Variants in EPB41L2 observed in about 807,000 individuals in gnomAD.
EPB41L2 encodes the protein erythrocyte membrane protein band 4.1 like 2, also known as band 4.1-like protein 2.
A neutral mutation model predicts 113.0 loss-of-function variants in EPB41L2; 43 were observed. That is an observed-to-expected ratio of 0.38 (90% CI 0.30 to 0.49). The LOEUF (loss-of-function observed/expected upper bound fraction) is 0.49, where lower values mean the gene tolerates loss of function less well. Ranked by LOEUF, EPB41L2 falls within the 20% of genes least tolerant of loss-of-function variation. The pLI, the probability that EPB41L2 is intolerant of heterozygous loss-of-function variation, is 0.95. For synonymous variants in EPB41L2, 442 were observed against 436.7 expected, an observed-to-expected ratio of 1.01 and a Z score of -0.15; for missense variants, 1,147 against 1,223.4, an observed-to-expected ratio of 0.94 and a Z score of 0.93.
At chr6:131,036,718 A>T (rs1793391255) in intron 1 of EPB41L2, among the ~76,000 whole-genome samples, 1 of 152,210 alleles carries the variant, frequency 6.6e-6, no homozygotes, top group South Asian at 2.1e-4. Flanking sequence ...ATTGAGGCCC[A>T]GGTTTTTTTT....
intron 4 of EPB41L2, among the ~76,000 whole-genome samples, chr6:130,912,707 C>G (rs1312552371): frequency 6.6e-6 from 1 of 152,072 alleles, no homozygotes; most frequent in Non-Finnish European, 1.5e-5. Context: ...GCTGTCCCAC[C>G]CAACAGCTGG....
At chr6:130,862,641 T>C (rs1160634042) in intron 18 of EPB41L2, among the ~76,000 whole-genome samples, 1 of 152,240 alleles carries the variant, frequency 6.6e-6, no homozygotes, top group Admixed American at 6.5e-5. Flanking sequence ...TTTTAACCTC[T>C]AATAACTCTT....
At chr6:130,993,438 A>C (rs947000601) in intron 1 of EPB41L2, among the ~76,000 whole-genome samples, 3 of 152,188 alleles carry the variant, frequency 2.0e-5, no homozygotes, top group East Asian at 1.9e-4. Flanking sequence ...CCAACAAACA[A>C]CACAAGGCGG....
chr6:130,860,959 C>T (rs1039042760), intron 18 of EPB41L2, among the ~76,000 whole-genome samples: 1 of 152,196 alleles, frequency 6.6e-6, no homozygotes, highest in Non-Finnish European at 1.5e-5. Flanking sequence ...GAAGAATCTG[C>T]AAAGCAAGTT....
intron 14 of EPB41L2, chr6:130,870,481 A>G: frequency 8.1e-7 from 1 of 1,233,998 alleles, no homozygotes; most frequent in Non-Finnish European, 1.2e-6. Flanking sequence ...AACAGCAAGA[A>G]TCAACATCTA....
intron 1 of EPB41L2, among the ~76,000 whole-genome samples, chr6:131,038,403 T>C (rs1793779591): frequency 6.6e-6 from 1 of 152,226 alleles, no homozygotes; most frequent in Admixed American, 6.5e-5. Context: ...ATTATTCTAG[T>C]TGCTATCACC....
intron 19 of EPB41L2, among the ~76,000 whole-genome samples, chr6:130,853,860 T>C (rs1413643053): frequency 6.6e-6 from 1 of 152,224 alleles, no homozygotes; most frequent in African/African-American, 2.4e-5. Context: ...ATCCTGCTCT[T>C]TGCCTCAGCC....
At chr6:130,935,526 C>T (rs949934046) in intron 3 of EPB41L2, among the ~76,000 whole-genome samples, 1 of 152,086 alleles carries the variant, frequency 6.6e-6, no homozygotes. Context: ...CATTTTTATG[C>T]TATGTGGAAA....
chr6:130,929,974 C>T (rs1196474106), intron 3 of EPB41L2, among the ~76,000 whole-genome samples: 3 of 151,842 alleles, frequency 2.0e-5, no homozygotes, highest in South Asian at 2.1e-4. Context: ...AAAGGTATCA[C>T]GAGGCCAACC....
intron 1 of EPB41L2, among the ~76,000 whole-genome samples, chr6:131,049,544 T>C (rs1267683094): frequency 6.6e-6 from 1 of 152,128 alleles, no homozygotes; most frequent in African/African-American, 2.4e-5. Flanking sequence ...TCTACCAGAG[T>C]CTAGAAGCAA....
intron 1 of EPB41L2, among the ~76,000 whole-genome samples, chr6:130,980,847 TTC>T (rs1046903430): frequency 7.2e-5 from 11 of 152,206 alleles, no homozygotes; most frequent in African/African-American, 2.4e-4. Context: ...CATGCTTTTG[TTC>T]TCTGTTTCTG....
In EPB41L2 at chr6:130,856,537, C is replaced by A. The variant is rs372182573; in HGVS notation, c.*5+1594G>T. 7.2e-5 allele frequency among the ~76,000 whole-genome samples: 11 copies of A among 152,272 alleles called. No homozygotes were observed. In the South Asian group the frequency reaches 1.9e-3, roughly 26 times the overall value. On this transcript the variant is annotated intron_variant, in intron 19 of 19. Coordinates refer to ENST00000337057, the MANE Select transcript of EPB41L2 (RefSeq NM_001431.4). ...TTATAATCACAGTTACACATATTTACCAAACTAGCAAAAATTAAAAAGTCA... is the reference window on the plus strand; with the variant it reads ...TTATAATCACAGTTACACATATTTAACAAACTAGCAAAAATTAAAAAGTCA...
At chr6:130,926,134 C>G (rs1370952335) in intron 4 of EPB41L2, among the ~76,000 whole-genome samples, 1 of 152,140 alleles carries the variant, frequency 6.6e-6, no homozygotes. Flanking sequence ...TATCCTCAGA[C>G]AGAATCGTTC....
intron 3 of EPB41L2, among the ~76,000 whole-genome samples, chr6:130,942,970 C>T (rs903284948): frequency 6.6e-6 from 1 of 152,168 alleles, no homozygotes; most frequent in African/African-American, 2.4e-5. Context: ...TGTATATGTG[C>T]CACATTTTCT....
chr6:130,869,914 G>T lies in EPB41L2; in HGVS notation c.2256C>A (p.Asp752Glu), dbSNP rs140202060. Residue 752 changes from aspartate to glutamate, a missense_variant, in exon 15 of 20, where the codon GAC (aspartate) becomes GAA (glutamate). By Grantham distance (45) the Asp-to-Glu change is conservative. Transcript: ENST00000337057. ...GGTGGTGGGGACGGTACTCTCCCAC[G>T]TCTTCCTCCTCACTCTCACTGCTGC... ...SSSSSESEEE[D>E]VGEYRPHHRV... 6.2e-7 allele frequency: 1 copy of T among 1,612,522 alleles called. No homozygotes were observed. Among genetic ancestry groups the T allele is most frequent in the Admixed American group, 1.7e-5 (1 of 60,022 alleles).
At chr6:130,863,549 A>G in intron 18 of EPB41L2, 89 bp downstream of exon 18, 1 of 869,252 alleles carries the variant, frequency 1.2e-6, no homozygotes. Context: ...TGGGGAGAAG[A>G]GGTTTACACA....
rs1248586709 is a variant in EPB41L2 at position 130,894,422 on chromosome 6, G to A, written c.1409C>T (p.Thr470Ile). 2.5e-6 allele frequency: 4 copies of A among 1,613,742 alleles called. No individual in the cohort carries two copies. The highest frequency in any genetic ancestry group is 1.3e-5 in the African/African-American group (1 of 74,974). ...RPAELEQFES[T>I]IGFKLPNHRA... ...GTGGTTTGGCAGTTTGAATCCAATG[G>A]TACTCTCAAACTGTTCCAGCTGGAA... Residue 470 changes from threonine to isoleucine, a missense_variant, in exon 10 of 20, where the codon ACC (threonine) becomes ATC (isoleucine). Coordinates refer to ENST00000337057, the MANE Select transcript of EPB41L2 (RefSeq NM_001431.4).
At chr6:130,949,680 A>G (rs1022909511) in intron 3 of EPB41L2, among the ~76,000 whole-genome samples, 13 of 152,028 alleles carry the variant, frequency 8.6e-5, no homozygotes, top group Non-Finnish European at 1.9e-4. Context: ...ACTGAATGGT[A>G]ATGAAAGCAC....
intron 1 of EPB41L2, among the ~76,000 whole-genome samples, chr6:130,993,862 C>T (rs1584355811): frequency 6.6e-6 from 1 of 152,186 alleles, no homozygotes; most frequent in African/African-American, 2.4e-5. Flanking sequence ...CTACCTGCCA[C>T]CATCAGGGTT....
Sources: gnomAD v4.1 joint callset for allele counts (sites outside exome capture counted in the v4.1 genomes callset) on GRCh38, gnomAD v4.1.1 for gene constraint, MANE v1.5 for transcripts, NCBI Gene and HGNC (gene_info 2026-07-23, HGNC 2026-07-21) for gene names.